The following RARA variants were observed in gnomAD, a reference collection of about 807,000 sequenced individuals.
RARA encodes PML-DDX5-RARA fusion.
RARA carries 5 observed loss-of-function variants against 42.8 expected under a neutral mutation model. The observed-to-expected ratio is 0.12, with a 90% CI of 0.06 to 0.25. The LOEUF (loss-of-function observed/expected upper bound fraction) is 0.25. Among genes scored for constraint, RARA ranks in the 10% least tolerant of loss-of-function variants. RARA has a pLI of 1.00. For synonymous variants in RARA, 256 were observed against 259.5 expected, an observed-to-expected ratio of 0.99 and a Z score of 0.13; for missense variants, 402 against 628.7, an observed-to-expected ratio of 0.64 and a Z score of 3.86.
rs147421302 is a variant in RARA at position 40,355,221 on chromosome 17, G to A, written c.1013-42G>A. 494 of 1,533,904 alleles carry A rather than the reference G, an allele frequency of 3.2e-4. 3 individuals carry two copies. In the African/African-American group the frequency reaches 6.1e-3, roughly 19 times the overall value. ...CCCGGTGGCCGAGGCTGGGGGTGCA[G>A]CTGTGTTCCCAGCTGCTCAGGGGGT... is the stretch of plus-strand genomic sequence containing the variant. On this transcript the variant is annotated intron_variant, in intron 7 of 8. Transcript: ENST00000254066. The surrounding 1 kb of genome is among the most constrained non-coding windows in gnomAD (Gnocchi z 4.1).
intron 2 of RARA, among the ~76,000 whole-genome samples, chr17:40,347,732 T>G (rs1238316843): frequency 6.6e-6 from 1 of 151,980 alleles, no homozygotes; most frequent in African/African-American, 2.4e-5. Flanking sequence ...GTGCCCAGCA[T>G]TTGTGACTCT....
intron 1 of RARA, among the ~76,000 whole-genome samples, chr17:40,311,955 G>A (rs1031921273): frequency 1.3e-5 from 2 of 152,234 alleles, no homozygotes; most frequent in African/African-American, 4.8e-5. Flanking sequence ...CTTTACAGAA[G>A]CCTACATCTC....
chr17:40,351,675 A>C lies in RARA; in HGVS notation c.470-235A>C, dbSNP rs2074814924. The C allele has an allele frequency of 1.7e-6, 1 of 585,918 alleles. No homozygotes were observed. The highest frequency in any genetic ancestry group is 1.9e-5 in the African/African-American group (1 of 53,250). The allele number at this position is 585,918 out of a possible 1,614,324, so 36.3% of individuals were successfully genotyped here. Reference sequence around the variant, plus strand: ...ATGGGGTGGGGTGGGGGGTGTGTGCAGGGCCACAGCTGTGCTCATGGGGCT... The same window carrying C: ...ATGGGGTGGGGTGGGGGGTGTGTGCCGGGCCACAGCTGTGCTCATGGGGCT... On this transcript the variant is annotated intron_variant, in intron 4 of 8. Coordinates refer to ENST00000254066, the MANE Select transcript of RARA (RefSeq NM_000964.4). This position sits in a 1 kb window ranked among gnomAD's most constrained non-coding sequence, Gnocchi z 4.1.
rs191481887 is a variant in RARA at position 40,319,421 on chromosome 17, C to A, written c.-363+10135C>A. ...GGCCTGGAAGGGTACCTCCTGCCCC[C>A]TCTGGCTCTGTCTTCTGTAACCAGG... On this transcript the variant is annotated intron_variant, in intron 1 of 8. Coordinates refer to ENST00000254066, the MANE Select transcript of RARA (RefSeq NM_000964.4). Among the ~76,000 whole-genome samples, 311 of 152,300 alleles carry A rather than the reference C, an allele frequency of 2.0e-3. 1 individual carries two copies. Among genetic ancestry groups the A allele is most frequent in the Non-Finnish European group, 4.0e-3 (269 of 68,024 alleles).
intron 2 of RARA, among the ~76,000 whole-genome samples, chr17:40,339,275 T>C (rs906370215): frequency 6.6e-6 from 1 of 152,024 alleles, no homozygotes; most frequent in African/African-American, 2.4e-5. Flanking sequence ...CCAGATGGGG[T>C]TGGGGACAGG....
chr17:40,325,632 G>C (rs1001874255), intron 1 of RARA, among the ~76,000 whole-genome samples: 1 of 152,268 alleles, frequency 6.6e-6, no homozygotes, highest in Non-Finnish European at 1.5e-5. Flanking sequence ...AGGCGGCAGG[G>C]CTTTGTTTCT....
intron 2 of RARA, among the ~76,000 whole-genome samples, chr17:40,331,955 G>A (rs1316123683): frequency 1.2e-4 from 18 of 152,146 alleles, no homozygotes; most frequent in Admixed American, 1.1e-3. Flanking sequence ...AGGGGCCCAC[G>A]GTCTAGCTGG....
intron 1 of RARA, among the ~76,000 whole-genome samples, chr17:40,314,180 AGGGGTGGGGTG>A (rs1344558538): frequency 2.0e-4 from 1 of 5,026 alleles, no homozygotes; most frequent in African/African-American, 7.2e-4. Context: ...TGGCGGGTGG[AGGGGTGGGGTG>A]GGGGTGGGGA....
At chr17:40,342,199 G>A (rs2034081096) in intron 2 of RARA, 3 of 1,054,244 alleles carry the variant, frequency 2.8e-6, no homozygotes, top group African/African-American at 1.7e-5. Context: ...GTCGCCAGCT[G>A]CCCCTGGCCT....
At chr17:40,334,767 G>T (rs1334460524) in intron 2 of RARA, among the ~76,000 whole-genome samples, 1 of 152,126 alleles carries the variant, frequency 6.6e-6, no homozygotes, top group African/African-American at 2.4e-5. Flanking sequence ...CAAAGGTGTT[G>T]GGTCCCTCCT....
chr17:40,356,246 A>C lies in RARA; in HGVS notation c.*20A>C, dbSNP rs1340514647. ...CCGTGACCGCCCACGCCACATGGACACAGCCCTCGCCCTCCGCCCCGGCTT... is the reference window on the plus strand; with the variant it reads ...CCGTGACCGCCCACGCCACATGGACCCAGCCCTCGCCCTCCGCCCCGGCTT... On this transcript the variant is annotated 3_prime_UTR_variant, in exon 9 of 9. Transcript: ENST00000254066. 1 of 1,547,166 alleles carries C rather than the reference A, an allele frequency of 6.5e-7. No homozygotes were observed. The highest frequency in any genetic ancestry group is 8.7e-7 in the Non-Finnish European group (1 of 1,144,638).
At chr17:40,315,744 A>G (rs1157237459) in intron 1 of RARA, among the ~76,000 whole-genome samples, 1 of 151,950 alleles carries the variant, frequency 6.6e-6, no homozygotes, top group Admixed American at 6.6e-5. Context: ...ATCTCTTTTG[A>G]CTACTGAGAA....
In RARA at chr17:40,356,254, C is replaced by T. The variant is rs760854493; in HGVS notation, c.*28C>T. The stretch of plus-strand genomic sequence containing the variant: ...GCCCACGCCACATGGACACAGCCCT[C>T]GCCCTCCGCCCCGGCTTTTCTCTGC... On this transcript the variant is annotated 3_prime_UTR_variant, in exon 9 of 9. Transcript: ENST00000254066. 6.2e-5 allele frequency: 96 copies of T among 1,541,716 alleles called. No individual in the cohort carries two copies. The highest frequency in any genetic ancestry group is 7.5e-5 in the Non-Finnish European group (86 of 1,139,832).
chr17:40,318,617 G>C (rs925499741), intron 1 of RARA, among the ~76,000 whole-genome samples: 2 of 152,220 alleles, frequency 1.3e-5, no homozygotes, highest in Admixed American at 6.5e-5. Flanking sequence ...GTCCAGGGTG[G>C]GGGAGCCCCG....
intron 1 of RARA, among the ~76,000 whole-genome samples, chr17:40,324,295 A>AT (rs1032987070): frequency 3.5e-5 from 5 of 144,224 alleles, no homozygotes; most frequent in East Asian, 2.0e-4. Context: ...TCCTCTTCCC[A>AT]TTTTTTTTTT....
intron 1 of RARA, among the ~76,000 whole-genome samples, chr17:40,319,973 G>A (rs531144337): frequency 6.6e-6 from 1 of 152,168 alleles, no homozygotes; most frequent in Non-Finnish European, 1.5e-5. Flanking sequence ...GCTGGAGGGA[G>A]CTGGGACATC....
rs1300313944 is a variant in RARA, at chr17:40,354,708, G to T, written c.1012+202G>T. Among the ~76,000 whole-genome samples, 1 of 152,210 alleles carries T rather than the reference G, an allele frequency of 6.6e-6. No individual in the cohort carries two copies. The highest frequency in any genetic ancestry group is 1.5e-5 in the Non-Finnish European group (1 of 68,036). ...GCAACACCCCTTCTAGGGAGGTTAA[G>T]AGTGAGGGTTTGAGGGTCGGACCAA... On this transcript the variant is annotated intron_variant, in intron 7 of 8. Coordinates refer to ENST00000254066, the MANE Select transcript of RARA (RefSeq NM_000964.4). The surrounding 1 kb of genome is among the most constrained non-coding windows in gnomAD (Gnocchi z 4.5).
intron 2 of RARA, chr17:40,342,523 G>A: frequency 7.6e-7 from 1 of 1,317,998 alleles, no homozygotes. Context: ...GACTGGCGGA[G>A]CGGCCGGCGG....
At position 40,357,461 on chromosome 17, in the gene RARA, G is replaced by A. The variant is rs1195586830; in HGVS notation, c.*1235G>A. On this transcript the variant is annotated 3_prime_UTR_variant, in exon 9 of 9. Transcript: ENST00000254066. ...CACCCCCGTGCCCCCTCCTTACCCC[G>A]CAGGACGGGCCTACAGGGGGGTCTC... The A allele has an allele frequency of 1.8e-4, 4 of 22,670 alleles. No individual in the cohort carries two copies. The highest frequency in any genetic ancestry group is 6.2e-4 in the African/African-American group (3 of 4,832). The allele number at this position is 22,670 out of a possible 1,614,324, so 1.4% of individuals were successfully genotyped here. A position where few individuals can be genotyped will look rare whatever the true frequency, so the allele number is the denominator to read the frequency against.
Sources: allele counts gnomAD v4.1 joint callset (sites outside exome capture counted in the v4.1 genomes callset), GRCh38; gene constraint gnomAD v4.1.1; non-coding constraint Gnocchi (gnomAD v3.1); transcripts MANE v1.5; gene names NCBI Gene and HGNC (gene_info 2026-07-23, HGNC 2026-07-21).